Variants in CFTR observed in about 807,000 individuals in gnomAD.
CFTR encodes cystic fibrosis transmembrane conductance regulator.
CFTR carries 181 observed loss-of-function variants against 171.6 expected under a neutral mutation model. The ratio of observed to expected loss-of-function variants is 1.05; its 90% CI spans 0.93 to 1.19. CFTR has a LOEUF of 1.19. CFTR is among the 50% of genes most tolerant of loss of function. CFTR has a pLI of 0.00. For synonymous variants in CFTR, 583 were observed against 608.0 expected, an observed-to-expected ratio of 0.96 and a Z score of 0.60; for missense variants, 1,968 against 1,734.7, an observed-to-expected ratio of 1.13 and a Z score of -2.39.
At position 117,536,570 on chromosome 7, in the gene CFTR, A is replaced by G. The variant is rs773790621; in HGVS notation, c.766A>G (p.Ser256Gly). 41 of 1,599,070 alleles carry G rather than the reference A, an allele frequency of 2.6e-5. No individual in the cohort carries two copies. The South Asian group carries it at 4.5e-4, about 17-fold the overall frequency. ...KYRDQRAGKI[S>G]ERLVITSEMI... ...CAGAGATCAGAGAGCTGGGAAGATC[A>G]GTGAAAGACTTGTGATTACCTCAGA... The change falls in exon 7 of 27, where the codon AGT becomes GGT. Residue 256 changes from serine to glycine, a missense_variant. Physicochemically the swap from Ser to Gly is moderately conservative, Grantham distance 56. Transcript: ENST00000003084.
intron 16 of CFTR, among the ~76,000 whole-genome samples, 160 bp downstream of exon 16, chr7:117,603,023 A>T (rs1210491229): frequency 6.6e-6 from 1 of 152,170 alleles, no homozygotes; most frequent in Non-Finnish European, 1.5e-5. Flanking sequence ...GATGACCATT[A>T]GTTGGGTGAG....
intron 24 of CFTR, among the ~76,000 whole-genome samples, chr7:117,663,300 A>C (rs1303066265): frequency 6.6e-6 from 1 of 152,220 alleles, no homozygotes; most frequent in South Asian, 2.1e-4. Flanking sequence ...TGTATTTCTA[A>C]GTTTTATGTT....
At chr7:117,613,066 G>A (rs1272069651) in intron 20 of CFTR, among the ~76,000 whole-genome samples, 1 of 152,146 alleles carries the variant, frequency 6.6e-6, no homozygotes, top group Non-Finnish European at 1.5e-5. Context: ...AGCTAGGGCA[G>A]TGGGAAATGA....
intron 2 of CFTR, among the ~76,000 whole-genome samples, chr7:117,505,822 T>C (rs574161217): frequency 1.3e-3 from 198 of 152,370 alleles, no homozygotes; most frequent in African/African-American, 4.7e-3. Flanking sequence ...TCATTTCCTT[T>C]TTTTGGCATT....
intron 11 of CFTR, among the ~76,000 whole-genome samples, chr7:117,562,463 G>A (rs778222115): frequency 1.2e-4 from 19 of 152,150 alleles, no homozygotes; most frequent in Admixed American, 3.3e-4. Flanking sequence ...TTGGTATATC[G>A]TGTGGAAGAA....
At chr7:117,599,465 C>G (rs763920310) in intron 15 of CFTR, among the ~76,000 whole-genome samples, 25 of 152,004 alleles carry the variant, frequency 1.6e-4, no homozygotes, top group Non-Finnish European at 2.6e-4. Context: ...GGGAAAGAAA[C>G]TAAATTACAA....
chr7:117,618,478 T>TCA (rs34610095), intron 21 of CFTR, among the ~76,000 whole-genome samples: 34,168 of 148,124 alleles, frequency 0.23, 4,103 homozygotes, highest in African/African-American at 0.26. Flanking sequence ...AGACTCCGTC[T>TCA]CACACACACA....
intron 18 of CFTR, among the ~76,000 whole-genome samples, chr7:117,610,127 A>G (rs1032295122): frequency 6.7e-6 from 1 of 150,134 alleles, no homozygotes; most frequent in Admixed American, 6.7e-5. Flanking sequence ...TCAGTAAACT[A>G]TCGCAAGAAC....
intron 20 of CFTR, among the ~76,000 whole-genome samples, chr7:117,612,055 A>ATATG (rs1792415072): frequency 1.3e-5 from 1 of 74,864 alleles, no homozygotes; most frequent in African/African-American, 6.7e-5. Flanking sequence ...ATATATATAC[A>ATATG]TATATATATA....
In CFTR at chr7:117,595,037, C is replaced by G. The variant is rs1792099688; in HGVS notation, c.2598C>G (p.Cys866Trp). The G allele has an allele frequency of 1.9e-6, 3 of 1,612,360 alleles. No homozygotes were observed. Among genetic ancestry groups the G allele is most frequent in the Non-Finnish European group, 2.5e-6 (3 of 1,179,106 alleles). ...HKSLIFVLIW[C>W]LVIFLAEVAA... ...GCTTAATTTTTGTGCTAATTTGGTGCTTAGTAATTTTTCTGGCAGAGGTAA... is the reference window on the plus strand; with the variant it reads ...GCTTAATTTTTGTGCTAATTTGGTGGTTAGTAATTTTTCTGGCAGAGGTAA... The change falls in exon 15 of 27, where the codon TGC (cysteine) becomes TGG (tryptophan). Residue 866 changes from cysteine (C) to tryptophan (W), a missense_variant. By Grantham distance (215) the Cys-to-Trp change is radical. Coordinates refer to ENST00000003084, the MANE Select transcript of CFTR (RefSeq NM_000492.4).
rs1487944948 is a variant in CFTR at position 117,592,560 on chromosome 7, C to G, written c.2393C>G (p.Pro798Arg). ...TCCACACGAAAAGTGTCACTGGCCC[C>G]TCAGGCAAACTTGACTGAACTGGAT... ...TASTRKVSLA[P>R]QANLTELDIY... The change falls in exon 14 of 27, where the codon CCT becomes CGT. Residue 798 changes from proline (P) to arginine (R), a missense_variant. By Grantham distance (103) the Pro-to-Arg change is moderately radical. Transcript: ENST00000003084. 2.6e-6 allele frequency: 4 copies of G among 1,520,370 alleles called. No individual in the cohort carries two copies. Among genetic ancestry groups the G allele is most frequent in the African/African-American group, 2.8e-5 (2 of 71,800 alleles). 94.2% of individuals were successfully genotyped at this position (1,520,370 alleles called of 1,614,324 possible).
At chr7:117,604,084 TA>T (rs1792268418) in intron 17 of CFTR, among the ~76,000 whole-genome samples, 1 of 152,236 alleles carries the variant, frequency 6.6e-6, no homozygotes, top group Non-Finnish European at 1.5e-5. Flanking sequence ...ATATTTGGTC[TA>T]GCTCTCTTCT....
intron 9 of CFTR, among the ~76,000 whole-genome samples, chr7:117,545,700 A>G (rs1799128949): frequency 6.6e-6 from 1 of 152,082 alleles, no homozygotes; most frequent in Non-Finnish European, 1.5e-5. Flanking sequence ...AGTTTAAGTA[A>G]CTCAAGCATG....
intron 1 of CFTR, among the ~76,000 whole-genome samples, chr7:117,501,747 C>CAAAAAAAAAAAAAAAAAA (rs1212853305): frequency 2.1e-4 from 9 of 43,886 alleles, no homozygotes; most frequent in Admixed American, 3.1e-4. Flanking sequence ...AACTCTGTCT[C>CAAAAAAAAAAAAAAAAAA]AAAAAAAAAA....
intron 13 of CFTR, among the ~76,000 whole-genome samples, chr7:117,591,670 A>C (rs1054545363): frequency 2.0e-5 from 3 of 152,148 alleles, no homozygotes; most frequent in Non-Finnish European, 4.4e-5. Flanking sequence ...GCTCAAAGTC[A>C]AATATCTACT....
chr7:117,635,847 A>T (rs1792818391), intron 22 of CFTR, among the ~76,000 whole-genome samples: 1 of 152,132 alleles, frequency 6.6e-6, no homozygotes, highest in Non-Finnish European at 1.5e-5. Context: ...GATTGAATAT[A>T]TTGATGAAAT....
At chr7:117,666,774 G>A in intron 26 of CFTR, 134 bp from the exon 27 acceptor site, 1 of 771,828 alleles carries the variant, frequency 1.3e-6, no homozygotes, top group East Asian at 2.6e-5. Context: ...TGACATACCT[G>A]ATTGTTCAAA....
At chr7:117,611,850 A>G (rs1792395319) in intron 20 of CFTR, 42 bp downstream of exon 20, 1 of 1,400,320 alleles carries the variant, frequency 7.1e-7, no homozygotes. Flanking sequence ...TTTAAGTAAA[A>G]AATTTTCAAT....
intron 15 of CFTR, among the ~76,000 whole-genome samples, chr7:117,598,467 G>C (rs539664860): frequency 6.6e-6 from 1 of 152,254 alleles, no homozygotes; most frequent in South Asian, 2.1e-4. Flanking sequence ...CAATTAAGAA[G>C]GCTTGATGAT....
Sources: allele counts gnomAD v4.1 joint callset (sites outside exome capture counted in the v4.1 genomes callset), GRCh38; gene constraint gnomAD v4.1.1; transcripts MANE v1.5; gene names NCBI Gene and HGNC (gene_info 2026-07-23, HGNC 2026-07-21).